CPED1: variants seen among roughly 807,000 people sequenced by gnomAD.
The protein encoded by CPED1 is cadherin-like and PC-esterase domain-containing protein 1.
In CPED1, 114 loss-of-function variants were observed where a neutral mutation model predicts 128.2. That is an observed-to-expected ratio of 0.89 (90% CI 0.76 to 1.04). The LOEUF (loss-of-function observed/expected upper bound fraction) is 1.04. CPED1 is among the 50% of genes least tolerant of loss of function. The probability of loss-of-function intolerance (pLI) is 0.00; values close to 1 mark genes in which losing one functional copy is unlikely to be tolerated. For synonymous variants in CPED1, 462 were observed against 426.7 expected, an observed-to-expected ratio of 1.08 and a Z score of -1.02; for missense variants, 1,211 against 1,207.1, an observed-to-expected ratio of 1.00 and a Z score of -0.05.
intron 5 of CPED1, among the ~76,000 whole-genome samples, chr7:121,069,037 T>C (rs1306573351): frequency 1.3e-5 from 2 of 152,126 alleles, no homozygotes; most frequent in Admixed American, 6.6e-5. Flanking sequence ...AAATTTATTA[T>C]ACTGGACAAA....
chr7:121,068,771 T>A (rs1228823067), intron 5 of CPED1, among the ~76,000 whole-genome samples: 1 of 152,000 alleles, frequency 6.6e-6, no homozygotes, highest in Non-Finnish European at 1.5e-5. Flanking sequence ...TCCATTTGTT[T>A]GTATCCTCTT....
At chr7:120,989,908 A>C (rs1045701816) in intron 2 of CPED1, 38 bp downstream of exon 2, 2 of 1,610,204 alleles carry the variant, frequency 1.2e-6, no homozygotes, top group Non-Finnish European at 1.7e-6. Context: ...CAGTTTCTGC[A>C]AAGACAGCAA....
chr7:121,104,664 T>C (rs1794927803), intron 7 of CPED1, among the ~76,000 whole-genome samples: 1 of 152,168 alleles, frequency 6.6e-6, no homozygotes, highest in Non-Finnish European at 1.5e-5. Flanking sequence ...TATTTGAAGA[T>C]GTTAGATTTG....
intron 8 of CPED1, among the ~76,000 whole-genome samples, chr7:121,124,977 G>A (rs1247640688): frequency 3.3e-5 from 5 of 152,000 alleles, no homozygotes; most frequent in African/African-American, 1.2e-4. Context: ...AAAAAGTGGG[G>A]GAAGCACATC....
chr7:121,003,450 A>G (rs1791919025), intron 2 of CPED1, among the ~76,000 whole-genome samples: 1 of 152,246 alleles, frequency 6.6e-6, no homozygotes, highest in African/African-American at 2.4e-5. Context: ...ACTTGATATC[A>G]GTATTAGATC....
chr7:121,253,235 T>C (rs1304230444), intron 18 of CPED1, among the ~76,000 whole-genome samples: 1 of 144,872 alleles, frequency 6.9e-6, no homozygotes, highest in Non-Finnish European at 1.5e-5. Context: ...CACCTCATGT[T>C]CTCACTCATA....
chr7:121,001,242 C>G (rs1375220847), intron 2 of CPED1, among the ~76,000 whole-genome samples: 2 of 152,180 alleles, frequency 1.3e-5, no homozygotes, highest in African/African-American at 4.8e-5. Flanking sequence ...ACTTCCTCAT[C>G]TGCTCAAGAA....
At chr7:121,043,925 G>T (rs1051799387) in intron 3 of CPED1, among the ~76,000 whole-genome samples, 4 of 152,186 alleles carry the variant, frequency 2.6e-5, no homozygotes, top group African/African-American at 9.7e-5. Flanking sequence ...ATCTCTGCTG[G>T]AGACCTTGGG....
chr7:121,058,567 G>A (rs927733371), intron 4 of CPED1, among the ~76,000 whole-genome samples: 1 of 152,158 alleles, frequency 6.6e-6, no homozygotes, highest in African/African-American at 2.4e-5. Context: ...GCACAGAGAG[G>A]TTATAAAACT....
At chr7:121,079,362 A>T (rs746735207) in intron 5 of CPED1, among the ~76,000 whole-genome samples, 6 of 152,248 alleles carry the variant, frequency 3.9e-5, no homozygotes, top group Non-Finnish European at 8.8e-5. Flanking sequence ...GCTTATGGTA[A>T]AGCCCATGGA....
At chr7:121,186,212 C>T (rs1563058320) in intron 16 of CPED1, among the ~76,000 whole-genome samples, 1 of 152,276 alleles carries the variant, frequency 6.6e-6, no homozygotes, top group South Asian at 2.1e-4. Flanking sequence ...ACTTTTATCA[C>T]AGCCCTTTAT....
intron 16 of CPED1, among the ~76,000 whole-genome samples, chr7:121,222,494 AG>A (rs1797905309): frequency 6.6e-6 from 1 of 152,152 alleles, no homozygotes; most frequent in Admixed American, 6.6e-5. Flanking sequence ...CTGTGAAGAA[AG>A]TCATTGGTAG....
chr7:121,051,432 A>G, intron 4 of CPED1: 1 of 480,418 alleles, frequency 2.1e-6, no homozygotes, highest in Non-Finnish European at 3.7e-6. Context: ...CAACCAGAAA[A>G]TAGTGTGGGA....
At chr7:121,074,507 G>GGGTTTTTT (rs1794072320) in intron 5 of CPED1, among the ~76,000 whole-genome samples, 1 of 18,096 alleles carries the variant, frequency 5.5e-5, no homozygotes, top group Non-Finnish European at 1.3e-4. Flanking sequence ...AATTTCCTTT[G>GGGTTTTTT]TGTTTTTTTT....
At chr7:121,141,439 C>T (rs571368211) in intron 15 of CPED1, among the ~76,000 whole-genome samples, 1 of 152,032 alleles carries the variant, frequency 6.6e-6, no homozygotes, top group African/African-American at 2.4e-5. Flanking sequence ...CTCTTTTGTT[C>T]ATAATTTTAA....
chr7:121,091,326 A>G (rs1332222491), intron 5 of CPED1, among the ~76,000 whole-genome samples: 3 of 152,200 alleles, frequency 2.0e-5, no homozygotes, highest in Non-Finnish European at 2.9e-5. Flanking sequence ...ATCACTAAAA[A>G]CATAGTGTGT....
chr7:121,078,247 G>A (rs1429539063), intron 5 of CPED1, among the ~76,000 whole-genome samples: 1 of 152,044 alleles, frequency 6.6e-6, no homozygotes, highest in Non-Finnish European at 1.5e-5. Flanking sequence ...GTTTCATCAT[G>A]TTGGCCAGGG....
At chr7:121,177,071 GGT>G (rs1202492640) in intron 16 of CPED1, among the ~76,000 whole-genome samples, 1 of 152,018 alleles carries the variant, frequency 6.6e-6, no homozygotes, top group Non-Finnish European at 1.5e-5. Flanking sequence ...CGTAGATTTT[GGT>G]ATTTTGTTTG....
At chr7:121,252,991 T>C (rs1798717131) in intron 18 of CPED1, among the ~76,000 whole-genome samples, 1 of 152,144 alleles carries the variant, frequency 6.6e-6, no homozygotes. Flanking sequence ...TAAATCATGC[T>C]GCTATAAAGA....
Sources: allele counts gnomAD v4.1 joint callset (sites outside exome capture counted in the v4.1 genomes callset), GRCh38; gene constraint gnomAD v4.1.1; transcripts MANE v1.5; gene names NCBI Gene and HGNC (gene_info 2026-07-23, HGNC 2026-07-21).